FA2H: variants seen among roughly 807,000 people sequenced by gnomAD.
FA2H encodes fatty acid 2-hydroxylase.
FA2H carries 22 observed loss-of-function variants against 44.9 expected under a neutral mutation model. The ratio of observed to expected loss-of-function variants is 0.49; its 90% CI spans 0.35 to 0.70. FA2H has a LOEUF of 0.70. Among genes scored for constraint, FA2H ranks in the 30% least tolerant of loss-of-function variants. FA2H has a pLI of 0.01. For synonymous variants in FA2H, 243 were observed against 213.2 expected (o/e 1.14, Z -1.22); for missense variants, 501 against 504.9 (o/e 0.99, Z 0.07).
intron 2 of FA2H, among the ~76,000 whole-genome samples, chr16:74,729,223 T>G (rs151338874): frequency 1.7e-3 from 262 of 152,282 alleles, no homozygotes; most frequent in African/African-American, 6.0e-3. Flanking sequence ...TTGGCTAAGA[T>G]AGTCTCAATC....
At chr16:74,773,065 A>G (rs1302740444) in intron 1 of FA2H, among the ~76,000 whole-genome samples, 1 of 152,000 alleles carries the variant, frequency 6.6e-6, no homozygotes, top group Non-Finnish European at 1.5e-5. Flanking sequence ...TTGTAGACAC[A>G]AGGTCTCCCT....
intron 2 of FA2H, among the ~76,000 whole-genome samples, chr16:74,731,184 T>A (rs1157075020): frequency 1.3e-5 from 2 of 151,908 alleles, no homozygotes; most frequent in South Asian, 4.2e-4. Flanking sequence ...AGAAGGAGTT[T>A]CACTCTTTTT....
At chr16:74,739,844 C>T (rs1156856625) in intron 2 of FA2H, among the ~76,000 whole-genome samples, 179 bp downstream of exon 2, 1 of 152,216 alleles carries the variant, frequency 6.6e-6, no homozygotes, top group Non-Finnish European at 1.5e-5. Context: ...CACCCCCACA[C>T]CCCTGCCGGA....
chr16:74,729,167 C>T (rs1406295843), intron 2 of FA2H, among the ~76,000 whole-genome samples: 2 of 152,156 alleles, frequency 1.3e-5, no homozygotes, highest in Non-Finnish European at 2.9e-5. Flanking sequence ...CATGCCACCT[C>T]GCCCGCTAAT....
intron 1 of FA2H, among the ~76,000 whole-genome samples, chr16:74,770,538 C>T (rs1342169483): frequency 1.3e-5 from 2 of 152,120 alleles, no homozygotes; most frequent in Non-Finnish European, 2.9e-5. Flanking sequence ...GCCACCACAC[C>T]CAGCTAATTT....
chr16:74,724,191 C>T (rs1597544406), intron 4 of FA2H, among the ~76,000 whole-genome samples: 1 of 152,152 alleles, frequency 6.6e-6, no homozygotes. Context: ...CGTGAGCCAC[C>T]GTGCCTGGCC....
chr16:74,716,520 T>C lies in FA2H; in HGVS notation c.866A>G (p.Gln289Arg). The change falls in exon 6 of 7, where the codon CAG becomes CGG. Residue 289 changes from glutamine to arginine, a missense_variant. Coordinates refer to ENST00000219368, the MANE Select transcript of FA2H (RefSeq NM_024306.5). ...CCCTACTGCCTCGGGCAGGATGAGC[T>C]GCATGCACAAGTAGAAGACGCCGAT... ...LVIGVFYLCM[Q>R]LILPEAVGGT... The C allele has an allele frequency of 6.2e-7, 1 of 1,612,986 alleles. No homozygotes were observed. The highest frequency in any genetic ancestry group is 8.5e-7 in the Non-Finnish European group (1 of 1,179,662).
intron 1 of FA2H, among the ~76,000 whole-genome samples, chr16:74,770,947 TAAGCATCAGAC>T (rs1016753150): frequency 2.0e-5 from 3 of 152,190 alleles, no homozygotes; most frequent in Non-Finnish European, 1.5e-5. Flanking sequence ...GGTCCCTCTC[TAAGCATCAGAC>T]AAGGCAAACC....
chr16:74,772,004 G>A (rs146971024), intron 1 of FA2H, among the ~76,000 whole-genome samples: 16 of 149,702 alleles, frequency 1.1e-4, no homozygotes, highest in South Asian at 2.1e-4. Context: ...AGGCTGAAGT[G>A]CAGTGGCGTG....
At chr16:74,749,956 C>G (rs1462449917) in intron 1 of FA2H, among the ~76,000 whole-genome samples, 1 of 152,194 alleles carries the variant, frequency 6.6e-6, no homozygotes, top group African/African-American at 2.4e-5. Flanking sequence ...GGGACGCGGC[C>G]AGAGCTTGTC....
At position 74,774,628 on chromosome 16, in the gene FA2H, T is replaced by A; in HGVS notation, c.128A>T (p.His43Leu). 6.6e-7 allele frequency: 1 copy of A among 1,515,072 alleles called. No homozygotes were observed. 93.9% of individuals were successfully genotyped at this position (1,515,072 alleles called of 1,614,324 possible). A position where few individuals can be genotyped will look rare whatever the true frequency, so the allele number is the denominator to read the frequency against. Residue 43 changes from histidine to leucine, a missense_variant, in exon 1 of 7, where the codon CAC becomes CTC. Transcript: ENST00000219368. ...CCGCAGCAGCTGCTCGCCCCCCGGG[T>A]GGTGCCGCACGAAGCTGGAGAGGTC... is the stretch of plus-strand genomic sequence containing the variant. Reference protein sequence around the residue: ...LYDLSSFVRHHPGGEQLLRAR... With the variant: ...LYDLSSFVRHLPGGEQLLRAR...
At chr16:74,746,779 G>T (rs186549378) in intron 1 of FA2H, among the ~76,000 whole-genome samples, 136 of 152,226 alleles carry the variant, frequency 8.9e-4, no homozygotes, top group Non-Finnish European at 1.8e-3. Context: ...CCCAGAACAG[G>T]GAATTCCAAT....
chr16:74,717,953 G>A (rs1961743371), intron 5 of FA2H, among the ~76,000 whole-genome samples: 2 of 152,330 alleles, frequency 1.3e-5, no homozygotes, highest in African/African-American at 4.8e-5. Flanking sequence ...TGAGGCTGGA[G>A]GACACAGGCC....
At chr16:74,742,129 C>A in intron 1 of FA2H, among the ~76,000 whole-genome samples, 1 of 152,236 alleles carries the variant, frequency 6.6e-6, no homozygotes, top group East Asian at 1.9e-4. Flanking sequence ...ATACCAGATG[C>A]TCCACCCACA....
At chr16:74,714,403 C>T (rs1426509925) in intron 6 of FA2H, 134 bp from the exon 7 acceptor site, 10 of 704,146 alleles carry the variant, frequency 1.4e-5, no homozygotes, top group East Asian at 2.7e-5. Context: ...TCCCAACTCC[C>T]GAGGCCATTC....
At chr16:74,714,513 G>A (rs915737118) in intron 6 of FA2H, among the ~76,000 whole-genome samples, 4 of 151,992 alleles carry the variant, frequency 2.6e-5, no homozygotes, top group Non-Finnish European at 4.4e-5. Flanking sequence ...TCTAGGCTAC[G>A]TGGCCCCCTC....
In FA2H at chr16:74,750,857, C is replaced by A. The variant is rs552092141; in HGVS notation, c.271-10742G>T. ...GTGGTGCAATCATGGCTCACTGCAA[C>A]CTCAGCCTCGAGTTCCTGGGCTCAA... On this transcript the variant is annotated intron_variant, in intron 1 of 6. Transcript: ENST00000219368. Among the ~76,000 whole-genome samples the A allele has an allele frequency of 5.3e-5, 8 of 151,658 alleles. No individual in the cohort carries two copies. The East Asian group carries it at 1.6e-3, about 29-fold the overall frequency.
intron 1 of FA2H, among the ~76,000 whole-genome samples, chr16:74,770,772 T>C (rs1173582465): frequency 2.0e-5 from 3 of 152,190 alleles, no homozygotes; most frequent in African/African-American, 7.2e-5. Flanking sequence ...AGTGTGACCA[T>C]TGTCAAGTTT....
At chr16:74,718,623 G>C (rs780389832) in intron 5 of FA2H, among the ~76,000 whole-genome samples, 1 of 152,254 alleles carries the variant, frequency 6.6e-6, no homozygotes, top group Non-Finnish European at 1.5e-5. Context: ...AGCTCCAGGA[G>C]CGCAAGGCTT....
Sources: gnomAD v4.1 joint callset for allele counts (sites outside exome capture counted in the v4.1 genomes callset) on GRCh38, gnomAD v4.1.1 for gene constraint, MANE v1.5 for transcripts, NCBI Gene and HGNC (gene_info 2026-07-23, HGNC 2026-07-21) for gene names.